The following MDGA2 variants were observed in gnomAD, a reference collection of about 807,000 sequenced individuals.
MDGA2 encodes the protein MAM domain-containing glycosylphosphatidylinositol anchor protein 2.
MDGA2 carries 40 observed loss-of-function variants against 117.8 expected under a neutral mutation model. The observed-to-expected ratio is 0.34, with a 90% CI of 0.26 to 0.44. The LOEUF is 0.44. Among genes scored for constraint, MDGA2 ranks in the 20% least tolerant of loss-of-function variants. MDGA2 has a pLI of 1.00. For missense variants in MDGA2, 1,123 were observed against 1,250.6 expected (o/e 0.90, Z 1.54); for synonymous variants, 452 against 439.0 (o/e 1.03, Z -0.37).
At chr14:47,469,179 A>C (rs1392864915) in intron 1 of MDGA2, among the ~76,000 whole-genome samples, 1 of 151,816 alleles carries the variant, frequency 6.6e-6, no homozygotes, top group Non-Finnish European at 1.5e-5. Flanking sequence ...ATTATTCTTT[A>C]AGTTTTAGGG....
At chr14:47,045,008 A>T (rs757635921) in intron 7 of MDGA2, among the ~76,000 whole-genome samples, 11 of 152,216 alleles carry the variant, frequency 7.2e-5, no homozygotes, top group Non-Finnish European at 1.3e-4. Flanking sequence ...TTTGGCAGGC[A>T]ACAGTTGTGG....
chr14:47,394,480 A>C (rs930105800), intron 1 of MDGA2, among the ~76,000 whole-genome samples: 1 of 152,216 alleles, frequency 6.6e-6, no homozygotes, highest in Non-Finnish European at 1.5e-5. Flanking sequence ...AGAGTATCAT[A>C]TAGGCGTGGC....
At chr14:47,356,163 G>C (rs1372177650) in intron 1 of MDGA2, among the ~76,000 whole-genome samples, 1 of 152,154 alleles carries the variant, frequency 6.6e-6, no homozygotes, top group Non-Finnish European at 1.5e-5. Flanking sequence ...GGAGCCCCTA[G>C]AGGACCCCTC....
chr14:47,006,085 G>A (rs1182464787), intron 8 of MDGA2, among the ~76,000 whole-genome samples: 1 of 151,448 alleles, frequency 6.6e-6, no homozygotes, highest in Non-Finnish European at 1.5e-5. Flanking sequence ...ATAACAGTAA[G>A]TTCAACTATT....
chr14:47,660,436 A>G (rs1014973683), intron 1 of MDGA2, among the ~76,000 whole-genome samples: 3 of 152,226 alleles, frequency 2.0e-5, no homozygotes, highest in African/African-American at 4.8e-5. Flanking sequence ...ATAGTGGTAA[A>G]TACTGTAGCT....
chr14:47,286,063 G>GAT (rs1277435263), intron 2 of MDGA2, among the ~76,000 whole-genome samples: 3 of 151,674 alleles, frequency 2.0e-5, no homozygotes, highest in Middle Eastern at 3.4e-3. Context: ...TTGTGTGTGT[G>GAT]ATATATATAT....
chr14:47,128,879 C>T (rs1038230050), intron 5 of MDGA2, among the ~76,000 whole-genome samples: 4 of 151,582 alleles, frequency 2.6e-5, no homozygotes, highest in Non-Finnish European at 5.9e-5. Context: ...TATTTTGAGA[C>T]GAGGTTTCAC....
At chr14:47,366,249 T>C (rs1891229148) in intron 1 of MDGA2, among the ~76,000 whole-genome samples, 1 of 151,990 alleles carries the variant, frequency 6.6e-6, no homozygotes, top group Non-Finnish European at 1.5e-5. Context: ...AATTAGAAAG[T>C]CCCAAATACC....
intron 3 of MDGA2, among the ~76,000 whole-genome samples, chr14:47,169,148 A>T (rs1404723300): frequency 6.6e-6 from 1 of 152,050 alleles, no homozygotes; most frequent in African/African-American, 2.4e-5. Flanking sequence ...AACAAAAGCC[A>T]CTTTGCTTTA....
At chr14:47,280,196 C>A (rs926187471) in intron 2 of MDGA2, among the ~76,000 whole-genome samples, 4 of 151,338 alleles carry the variant, frequency 2.6e-5, no homozygotes, top group Non-Finnish European at 5.9e-5. Flanking sequence ...TGCCTGTAAT[C>A]CCAGCTACTC....
chr14:46,917,644 A>T (rs1883952963), intron 10 of MDGA2, among the ~76,000 whole-genome samples: 1 of 151,220 alleles, frequency 6.6e-6, no homozygotes, highest in Admixed American at 6.5e-5. Context: ...CTAAAGAGGA[A>T]GAGTAGGAGA....
At chr14:47,455,975 C>T (rs1893342854) in intron 1 of MDGA2, among the ~76,000 whole-genome samples, 1 of 150,674 alleles carries the variant, frequency 6.6e-6, no homozygotes, top group African/African-American at 2.4e-5. Context: ...CCAGCCTGGG[C>T]AACAAAGTGA....
intron 6 of MDGA2, among the ~76,000 whole-genome samples, chr14:47,073,018 C>G (rs1449765900): frequency 6.6e-6 from 1 of 152,160 alleles, no homozygotes; most frequent in Non-Finnish European, 1.5e-5. Flanking sequence ...TTCCTTTCCA[C>G]ATGGCCAAAG....
At chr14:47,393,646 T>C (rs905180182) in intron 1 of MDGA2, among the ~76,000 whole-genome samples, 2 of 152,126 alleles carry the variant, frequency 1.3e-5, no homozygotes, top group African/African-American at 2.4e-5. Context: ...ATTCTATTCA[T>C]TTAGAAGCCC....
intron 3 of MDGA2, among the ~76,000 whole-genome samples, chr14:47,165,089 C>T (rs1020365572): frequency 7.9e-5 from 12 of 151,180 alleles, no homozygotes; most frequent in Admixed American, 5.3e-4. Flanking sequence ...CATCACACAC[C>T]GGGGCCTGTT....
intron 1 of MDGA2, among the ~76,000 whole-genome samples, chr14:47,442,947 C>T (rs952698998): frequency 6.6e-6 from 1 of 152,128 alleles, no homozygotes; most frequent in Non-Finnish European, 1.5e-5. Context: ...CCTTTAGTCA[C>T]TTAACCATCT....
rs1023859588 is a variant in MDGA2, at chr14:47,613,479, T to TCTCACACACACA, written c.280+61037_280+61038insTGTGTGTGTGAG. 2.7e-3 allele frequency among the ~76,000 whole-genome samples: 376 copies of TCTCACACACACA among 141,144 alleles called. 1 individual carries two copies. Among genetic ancestry groups the TCTCACACACACA allele is most frequent in the East Asian group, 0.013 (61 of 4,670 alleles). The allele number at this position is 141,144 out of a possible 152,430, so 92.6% of individuals were successfully genotyped here. On this transcript the variant is annotated intron_variant, in intron 1 of 16. Coordinates refer to ENST00000399232, the MANE Select transcript of MDGA2 (RefSeq NM_001113498.3). ...ATTTATCTCTCTCTCTCTCTCTCTCTCACACACACACACACACACACACAC... is the reference window on the plus strand; with the variant it reads ...ATTTATCTCTCTCTCTCTCTCTCTCTCTCACACACACACACACACACACACACACACACACAC...
In MDGA2 at chr14:47,033,437, T is replaced by C. The variant is rs77812233; in HGVS notation, c.1819+1574A>G. 2.2e-3 allele frequency among the ~76,000 whole-genome samples: 333 copies of C among 152,294 alleles called. 6 individuals carry two copies. Among genetic ancestry groups the C allele is most frequent in the African/African-American group, 7.7e-3 (318 of 41,562 alleles). On this transcript the variant is annotated intron_variant, in intron 8 of 16. Coordinates refer to ENST00000399232, the MANE Select transcript of MDGA2 (RefSeq NM_001113498.3). ...ACTCGAAGCAGCTCAGAATTCTGTGTTTACCAACAAGATTGAAGTGTTCCA... is the reference window on the plus strand; with the variant it reads ...ACTCGAAGCAGCTCAGAATTCTGTGCTTACCAACAAGATTGAAGTGTTCCA...
intron 6 of MDGA2, among the ~76,000 whole-genome samples, chr14:47,066,680 G>A (rs965973566): frequency 1.8e-4 from 27 of 151,648 alleles, no homozygotes; most frequent in Middle Eastern, 6.9e-3. Context: ...TCATTTCTGA[G>A]CAAATATGGA....
Sources: gnomAD v4.1 joint callset for allele counts (sites outside exome capture counted in the v4.1 genomes callset) on GRCh38, gnomAD v4.1.1 for gene constraint, MANE v1.5 for transcripts, NCBI Gene and HGNC (gene_info 2026-07-23, HGNC 2026-07-21) for gene names.